Variants in AGPAT5 observed in about 807,000 individuals in gnomAD.
AGPAT5 encodes 1-acylglycerol-3-phosphate O-acyltransferase 5.
AGPAT5 carries 46 observed loss-of-function variants against 45.6 expected under a neutral mutation model. The ratio of observed to expected loss-of-function variants is 1.01; its 90% CI spans 0.80 to 1.29. The LOEUF is 1.29. Among genes scored for constraint, AGPAT5 ranks in the 50% most tolerant of loss-of-function variants. AGPAT5 has a pLI of 0.00. For synonymous variants in AGPAT5, 272 were observed against 167.0 expected (o/e 1.63, Z -4.85); for missense variants, 673 against 450.7 (o/e 1.49, Z -4.47).
At chr8:6,716,104 C>G (rs1800320622) in intron 1 of AGPAT5, among the ~76,000 whole-genome samples, 1 of 152,164 alleles carries the variant, frequency 6.6e-6, no homozygotes, top group African/African-American at 2.4e-5. Context: ...GTTACCCCAT[C>G]TCATTGTCAG....
chr8:6,723,335 A>G (rs1320636945), intron 1 of AGPAT5, among the ~76,000 whole-genome samples: 1 of 152,138 alleles, frequency 6.6e-6, no homozygotes, highest in East Asian at 1.9e-4. Context: ...GCAGGTGCGC[A>G]CCACCATGCC....
intron 1 of AGPAT5, among the ~76,000 whole-genome samples, chr8:6,715,057 C>T (rs902214138): frequency 2.6e-5 from 4 of 152,136 alleles, no homozygotes; most frequent in Non-Finnish European, 4.4e-5. Context: ...CCCTTAATTC[C>T]TGCAATATTC....
intron 3 of AGPAT5, among the ~76,000 whole-genome samples, chr8:6,732,017 A>G (rs139010001): frequency 4.6e-5 from 7 of 152,292 alleles, no homozygotes; most frequent in African/African-American, 1.4e-4. Flanking sequence ...GCCCTTTTTT[A>G]ACCTTAATTA....
At chr8:6,741,249 T>C (rs1042026119) in intron 4 of AGPAT5, among the ~76,000 whole-genome samples, 5 of 152,216 alleles carry the variant, frequency 3.3e-5, no homozygotes, top group South Asian at 2.1e-4. Flanking sequence ...TGAGGTACTT[T>C]TTAGTGTTGG....
intron 2 of AGPAT5, 105 bp downstream of exon 2, chr8:6,725,044 A>G (rs974632070): frequency 4.0e-5 from 15 of 371,960 alleles, no homozygotes; most frequent in Non-Finnish European, 6.2e-5. Context: ...TAAAACAGCA[A>G]TTTTCTGTGC....
At chr8:6,731,850 C>T (rs1311420565) in intron 3 of AGPAT5, among the ~76,000 whole-genome samples, 1 of 152,202 alleles carries the variant, frequency 6.6e-6, no homozygotes, top group Non-Finnish European at 1.5e-5. Flanking sequence ...CCCAAGGCCT[C>T]TCTCCCAGGC....
chr8:6,718,580 C>G (rs985138484), intron 1 of AGPAT5, among the ~76,000 whole-genome samples: 1 of 152,160 alleles, frequency 6.6e-6, no homozygotes, highest in Non-Finnish European at 1.5e-5. Flanking sequence ...TGCAAGCATC[C>G]TGATTTTACT....
At chr8:6,733,838 TG>T (rs1372108414) in intron 4 of AGPAT5, among the ~76,000 whole-genome samples, 1 of 152,216 alleles carries the variant, frequency 6.6e-6, no homozygotes, top group African/African-American at 2.4e-5. Flanking sequence ...CTGTGGGCAT[TG>T]TATATATGAA....
chr8:6,729,303 T>A (rs950054158), intron 2 of AGPAT5, among the ~76,000 whole-genome samples: 2 of 152,160 alleles, frequency 1.3e-5, no homozygotes, highest in East Asian at 3.9e-4. Flanking sequence ...GCTAAAACTT[T>A]ATTGTAATTC....
At chr8:6,722,794 T>A (rs1011952419) in intron 1 of AGPAT5, among the ~76,000 whole-genome samples, 2 of 152,202 alleles carry the variant, frequency 1.3e-5, no homozygotes, top group Non-Finnish European at 2.9e-5. Context: ...AAATCATTTT[T>A]ATTGGCTACC....
rs768594065 is a variant in AGPAT5 at position 6,747,811 on chromosome 8, A to G, written c.728A>G (p.Glu243Gly). ...EGKDDGGQRR[E>G]SPTMTEFLCK... ...AAAGACGATGGAGGGCAGCGAAGAG[A>G]GTCACCGACCATGACGGGTAAGTGT... Residue 243 changes from glutamate (E) to glycine (G), a missense_variant, in exon 6 of 8, where the codon GAG becomes GGG. Transcript: ENST00000285518. 3 of 1,614,186 alleles carry G rather than the reference A, an allele frequency of 1.9e-6. No homozygotes were observed.
Position 6,757,382 on chromosome 8 carries a change from A to G in AGPAT5, c.1089A>G (p.Lys363=). The change falls in exon 8 of 8, where the codon AAA becomes AAG. Residue 363 remains lysine (K), a synonymous_variant. Transcript: ENST00000285518. Reference sequence around the variant, plus strand: ...TTGGCTGCCTGTGGGTTACTATTAAAGCATAGACAAGTAGCTGTCTCCAGA... The same window carrying G: ...TTGGCTGCCTGTGGGTTACTATTAAGGCATAGACAAGTAGCTGTCTCCAGA... ...TLLGCLWVTI[K]A is the part of the protein sequence containing the mutation. 6.2e-7 allele frequency: 1 copy of G among 1,613,768 alleles called. No homozygotes were observed. Among genetic ancestry groups the G allele is most frequent in the Non-Finnish European group, 8.5e-7 (1 of 1,179,648 alleles).
intron 4 of AGPAT5, among the ~76,000 whole-genome samples, chr8:6,739,764 T>G (rs1041245456): frequency 6.6e-6 from 1 of 152,120 alleles, no homozygotes; most frequent in Non-Finnish European, 1.5e-5. Context: ...TTGCTAAATT[T>G]TCTGGCTAGA....
At chr8:6,722,827 G>T (rs982074422) in intron 1 of AGPAT5, among the ~76,000 whole-genome samples, 5 of 150,216 alleles carry the variant, frequency 3.3e-5, no homozygotes, top group Admixed American at 6.6e-5. Flanking sequence ...AATGAAAAGA[G>T]AAATTTTTTT....
Position 6,711,631 on chromosome 8 carries a change from C to G in AGPAT5, c.219+2744C>G, listed in dbSNP as rs914371414. 1.2e-4 allele frequency among the ~76,000 whole-genome samples: 19 copies of G among 152,214 alleles called. 1 individual carries two copies. The highest frequency in any genetic ancestry group is 3.1e-4 in the African/African-American group (13 of 41,446). On this transcript the variant is annotated intron_variant, in intron 1 of 7. Transcript: ENST00000285518. ...TGCTGCCAAAACAGATCACCTCAAA[C>G]TAAGCGGCTTAAAATAATAGAACTT... is the stretch of plus-strand genomic sequence containing the variant.
chr8:6,750,119 C>T (rs189313900), intron 6 of AGPAT5, among the ~76,000 whole-genome samples: 124 of 152,348 alleles, frequency 8.1e-4, no homozygotes, highest in Non-Finnish European at 1.6e-3. Context: ...CCCACAGTGA[C>T]AGGCGGCACC....
intron 5 of AGPAT5, among the ~76,000 whole-genome samples, chr8:6,743,195 G>A (rs917975170): frequency 6.6e-6 from 1 of 152,088 alleles, no homozygotes; most frequent in South Asian, 2.1e-4. Context: ...TGCTACATGT[G>A]TTATTTCCAG....
intron 1 of AGPAT5, among the ~76,000 whole-genome samples, chr8:6,709,792 C>T (rs955887852): frequency 2.0e-5 from 3 of 151,884 alleles, no homozygotes; most frequent in Non-Finnish European, 4.4e-5. Context: ...TTTGCAGTTG[C>T]ACTGCTGATC....
chr8:6,741,654 C>G lies in AGPAT5; in HGVS notation c.496-7C>G. The G allele has an allele frequency of 6.3e-7, 1 of 1,584,294 alleles. No homozygotes were observed. The highest frequency in any genetic ancestry group is 8.6e-7 in the Non-Finnish European group (1 of 1,167,152). ...AAAATAAACCAAATTTGCTCTATGT[C>G]CCACAGATGTATCTTGTGATTTTTC... On this transcript the variant is annotated splice_region_variant and splice_polypyrimidine_tract_variant and intron_variant, in intron 4 of 7. Coordinates refer to ENST00000285518, the MANE Select transcript of AGPAT5 (RefSeq NM_018361.5).
Sources: gnomAD v4.1 joint callset for allele counts (sites outside exome capture counted in the v4.1 genomes callset) on GRCh38, gnomAD v4.1.1 for gene constraint, MANE v1.5 for transcripts, NCBI Gene and HGNC (gene_info 2026-07-23, HGNC 2026-07-21) for gene names.